Variants in ZMYM4 observed in about 807,000 individuals in gnomAD.
ZMYM4 encodes the protein zinc finger MYM-type containing 4.
Under a neutral mutation model 183.2 loss-of-function variants are expected in ZMYM4, and 31 were observed. That is an observed-to-expected ratio of 0.17 (90% CI 0.13 to 0.23). The LOEUF is 0.23. Ranked by LOEUF, ZMYM4 falls within the 10% of genes least tolerant of loss-of-function variation. The pLI is 1.00. For missense variants in ZMYM4, 1,273 were observed against 1,840.3 expected (o/e 0.69, Z 5.64); for synonymous variants, 592 against 631.2 (o/e 0.94, Z 0.93).
intron 2 of ZMYM4, among the ~76,000 whole-genome samples, chr1:35,329,255 C>A (rs191129466): frequency 6.6e-6 from 1 of 152,138 alleles, no homozygotes; most frequent in Non-Finnish European, 1.5e-5. Flanking sequence ...AGAGAAGGTG[C>A]GTTTCTTCAA....
At chr1:35,396,775 G>T in intron 19 of ZMYM4, 105 bp downstream of exon 19, 1 of 1,278,344 alleles carries the variant, frequency 7.8e-7, no homozygotes, top group Non-Finnish European at 1.1e-6. Flanking sequence ...AAATATACCT[G>T]CTTCTGATTG....
At chr1:35,390,794 A>G (rs1398484104) in intron 15 of ZMYM4, among the ~76,000 whole-genome samples, 1 of 152,262 alleles carries the variant, frequency 6.6e-6, no homozygotes, top group Non-Finnish European at 1.5e-5. Flanking sequence ...GTAATTGAGT[A>G]TAATTGGCTT....
chr1:35,413,906 A>G, intron 26 of ZMYM4, 66 bp from the exon 27 acceptor site: 7 of 968,720 alleles, frequency 7.2e-6, no homozygotes, highest in Non-Finnish European at 1.1e-5. Context: ...ATTTCTTACA[A>G]TAATTTTTTA....
chr1:35,418,002 C>A (rs1350272591), intron 28 of ZMYM4, among the ~76,000 whole-genome samples: 1 of 150,578 alleles, frequency 6.6e-6, no homozygotes, highest in African/African-American at 2.4e-5. Context: ...GAGCAAAGTT[C>A]CGTCTCAAAA....
At chr1:35,368,723 A>G (rs1644144558) in intron 5 of ZMYM4, among the ~76,000 whole-genome samples, 1 of 152,186 alleles carries the variant, frequency 6.6e-6, no homozygotes, top group African/African-American at 2.4e-5. Flanking sequence ...ATATGGGAGT[A>G]TGAATATTCA....
intron 29 of ZMYM4, 93 bp from the exon 30 acceptor site, chr1:35,419,377 A>AAAAC (rs1403236628): frequency 1.2e-5 from 16 of 1,387,458 alleles, no homozygotes; most frequent in Admixed American, 7.1e-5. Context: ...TTTAATGGCA[A>AAAAC]AAACCTCAGT....
chr1:35,381,474 C>A (rs1178880355), intron 8 of ZMYM4, 41 bp downstream of exon 8: 1 of 1,607,964 alleles, frequency 6.2e-7, no homozygotes, highest in Non-Finnish European at 8.5e-7. Context: ...GAGTCTAATA[C>A]GTTTGTGCTT....
At chr1:35,366,673 C>A (rs1273358396) in intron 5 of ZMYM4, among the ~76,000 whole-genome samples, 2 of 151,914 alleles carry the variant, frequency 1.3e-5, no homozygotes, top group African/African-American at 2.4e-5. Context: ...ATGAAGAGAC[C>A]ATCTTTTTAA....
chr1:35,303,553 G>A (rs1199654256), intron 1 of ZMYM4, among the ~76,000 whole-genome samples: 4 of 151,888 alleles, frequency 2.6e-5, no homozygotes, highest in African/African-American at 9.7e-5. Flanking sequence ...CTATAGGCAC[G>A]CACCATCACA....
At chr1:35,403,131 C>CTGG (rs988129084) in intron 23 of ZMYM4, among the ~76,000 whole-genome samples, 1 of 152,072 alleles carries the variant, frequency 6.6e-6, no homozygotes, top group African/African-American at 2.4e-5. Flanking sequence ...AGGTGATTAT[C>CTGG]TGGTTTTCCT....
chr1:35,358,761 A>C (rs1380603373), intron 2 of ZMYM4, 164 bp from the exon 3 acceptor site: 5 of 595,736 alleles, frequency 8.4e-6, no homozygotes, highest in Non-Finnish European at 1.4e-5. Flanking sequence ...GTCAGATAGG[A>C]ATAGTTATAT....
At chr1:35,269,224 G>T (rs1639468109) in intron 1 of ZMYM4, 139 bp downstream of exon 1, 1 of 1,010,376 alleles carries the variant, frequency 9.9e-7, no homozygotes, top group African/African-American at 1.7e-5. Flanking sequence ...GGCAGCCTTG[G>T]GTCCGGAGCG....
At chr1:35,284,827 C>T (rs1056373696) in intron 1 of ZMYM4, among the ~76,000 whole-genome samples, 1 of 152,112 alleles carries the variant, frequency 6.6e-6, no homozygotes, top group Non-Finnish European at 1.5e-5. Context: ...GGTGTTTCTT[C>T]TTAGAAGGGC....
chr1:35,399,188 C>A (rs1318746585), intron 22 of ZMYM4, 145 bp downstream of exon 22: 8 of 935,778 alleles, frequency 8.5e-6, no homozygotes, highest in African/African-American at 5.0e-5. Flanking sequence ...CACAAATAGA[C>A]CCTGGCTTTG....
Position 35,367,920 on chromosome 1 carries a change from G to A in ZMYM4, c.841-2109G>A, listed in dbSNP as rs536809230. Among the ~76,000 whole-genome samples the A allele has an allele frequency of 3.3e-5, 5 of 152,222 alleles. No individual in the cohort carries two copies. In the East Asian group the frequency reaches 9.7e-4, roughly 29 times the overall value. The stretch of plus-strand genomic sequence containing the variant: ...GAACGCAGGAGGCAGAGGTTGCAGT[G>A]AGCCGAGGTTGAGCTAGCCTGGGTG... On this transcript the variant is annotated intron_variant, in intron 5 of 29. Transcript: ENST00000314607.
chr1:35,280,046 C>A (rs976606976), intron 1 of ZMYM4, among the ~76,000 whole-genome samples: 2 of 152,064 alleles, frequency 1.3e-5, no homozygotes, highest in African/African-American at 4.8e-5. Context: ...AAAACTCTTT[C>A]AGCCCATTAC....
At chr1:35,413,541 CTG>C (rs963902267) in intron 26 of ZMYM4, among the ~76,000 whole-genome samples, 5 of 152,282 alleles carry the variant, frequency 3.3e-5, no homozygotes, top group South Asian at 2.1e-4. Flanking sequence ...CATTAGCTAA[CTG>C]TGTGATTGCA....
rs201360397 is a variant in ZMYM4 at position 35,283,326 on chromosome 1, C to CTTTTTTTTTTT, written c.39+14260_39+14270dup. Among the ~76,000 whole-genome samples the CTTTTTTTTTTT allele has an allele frequency of 1.6e-4, 9 of 56,770 alleles. 2 individuals carry two copies. The highest frequency in any genetic ancestry group is 8.6e-4 in the African/African-American group (9 of 10,506). The allele number at this position is 56,770 out of a possible 152,430, so 37.2% of individuals were successfully genotyped here. On this transcript the variant is annotated intron_variant, in intron 1 of 29. Coordinates refer to ENST00000314607, the MANE Select transcript of ZMYM4 (RefSeq NM_005095.3). Reference sequence around the variant, plus strand: ...TGTCCTAGTGGGTGTGAAGTGGTATCTTTTTTTTTTTTTTTTTTTTTTTTT... The same window carrying CTTTTTTTTTTT: ...TGTCCTAGTGGGTGTGAAGTGGTATCTTTTTTTTTTTTTTTTTTTTTTTTTTTTTTTTTTTT...
chr1:35,331,283 G>C (rs2148833560), intron 2 of ZMYM4, among the ~76,000 whole-genome samples: 1 of 152,136 alleles, frequency 6.6e-6, no homozygotes, highest in South Asian at 2.1e-4. Context: ...GGTGTTAATT[G>C]AAAAACACCT....
Sources: allele counts gnomAD v4.1 joint callset (sites outside exome capture counted in the v4.1 genomes callset), GRCh38; gene constraint gnomAD v4.1.1; transcripts MANE v1.5; gene names NCBI Gene and HGNC (gene_info 2026-07-23, HGNC 2026-07-21).